The following ANAPC4 variants were observed in gnomAD, a reference collection of about 807,000 sequenced individuals.
The protein encoded by ANAPC4 is anaphase promoting complex subunit 4.
Under a neutral mutation model 119.8 loss-of-function variants are expected in ANAPC4, and 63 were observed. The observed-to-expected ratio is 0.53, with a 90% CI of 0.43 to 0.65. ANAPC4 has a LOEUF of 0.65. ANAPC4 is among the 30% of genes least tolerant of loss of function. The pLI, the probability that ANAPC4 is intolerant of heterozygous loss-of-function variation, is 0.00. For missense variants in ANAPC4, 716 were observed against 945.1 expected, an observed-to-expected ratio of 0.76 and a Z score of 3.18; for synonymous variants, 283 against 318.6, an observed-to-expected ratio of 0.89 and a Z score of 1.19.
At position 25,383,254 on chromosome 4, in the gene ANAPC4, G is replaced by T. The variant is rs1433741753; in HGVS notation, c.236-7G>T. 1.9e-6 allele frequency: 3 copies of T among 1,579,866 alleles called. No individual in the cohort carries two copies. The highest frequency in any genetic ancestry group is 1.4e-5 in the African/African-American group (1 of 73,198). On this transcript the variant is annotated splice_polypyrimidine_tract_variant and splice_region_variant and intron_variant, in intron 3 of 28. Transcript: ENST00000315368. ...TAATTTATTCTGATTGTTTTTTCTT[G>T]TTTTAGTTTTGGCCTTTGCTCTTGC... is the stretch of plus-strand genomic sequence containing the variant.
intron 16 of ANAPC4, among the ~76,000 whole-genome samples, chr4:25,397,470 C>G (rs759651085): frequency 3.9e-5 from 6 of 152,164 alleles, no homozygotes; most frequent in Non-Finnish European, 8.8e-5. Flanking sequence ...GGGTTAGACC[C>G]AGAACTGCCA....
intron 4 of ANAPC4, 67 bp downstream of exon 4, chr4:25,383,460 A>C (rs1577370492): frequency 2.1e-6 from 3 of 1,439,648 alleles, no homozygotes; most frequent in African/African-American, 2.9e-5. Flanking sequence ...ATGGAAACTT[A>C]GGAGTATCTG....
intron 8 of ANAPC4, 114 bp downstream of exon 8, chr4:25,390,334 ATTC>A (rs1722277175): frequency 1.5e-6 from 1 of 666,676 alleles, no homozygotes; most frequent in Non-Finnish European, 2.4e-6. Flanking sequence ...TTTTGGAATT[ATTC>A]TTAAATGTTC....
Position 25,388,785 on chromosome 4 carries a change from T to G in ANAPC4, c.470+42T>G, listed in dbSNP as rs1332795744. The G allele has an allele frequency of 1.9e-6, 3 of 1,601,758 alleles. No homozygotes were observed. The East Asian group carries it at 6.7e-5, about 36-fold the overall frequency. On this transcript the variant is annotated intron_variant, in intron 6 of 28. Transcript: ENST00000315368. ...CTTGTTTTCAAGTAAGATAATCTGC[T>G]ATTATTTGGAAGACAGAATTGAAAG...
intron 10 of ANAPC4, 131 bp downstream of exon 10, chr4:25,392,552 T>A (rs370739536): frequency 9.7e-6 from 6 of 621,188 alleles, no homozygotes; most frequent in Middle Eastern, 4.4e-4. Flanking sequence ...GATGATCTTA[T>A]AAGGTCCATT....
intron 16 of ANAPC4, among the ~76,000 whole-genome samples, 192 bp downstream of exon 16, chr4:25,397,091 G>A (rs1035936374): frequency 6.6e-6 from 1 of 152,112 alleles, no homozygotes; most frequent in Non-Finnish European, 1.5e-5. Context: ...TCCTGTCCTG[G>A]TCATCCTTAC....
At position 25,418,384 on chromosome 4, in the gene ANAPC4, C is replaced by G; in HGVS notation, c.*2C>G. On this transcript the variant is annotated 3_prime_UTR_variant, in exon 29 of 29. Coordinates refer to ENST00000315368, the MANE Select transcript of ANAPC4 (RefSeq NM_013367.3). ...CTTGACCCTGAGCTAGACTCCTAAT[C>G]TAGCTTGCCATTATTGTGTGTGTAA... The G allele has an allele frequency of 6.2e-7, 1 of 1,613,634 alleles. No individual in the cohort carries two copies. Among genetic ancestry groups the G allele is most frequent in the South Asian group, 1.1e-5 (1 of 91,036 alleles).
At chr4:25,411,028 T>C (rs1723532040) in intron 21 of ANAPC4, among the ~76,000 whole-genome samples, 1 of 138,740 alleles carries the variant, frequency 7.2e-6, no homozygotes, top group African/African-American at 2.7e-5. Flanking sequence ...AATGAATGAA[T>C]GAGGGAGAGA....
chr4:25,401,931 T>C (rs1323076599), intron 16 of ANAPC4, among the ~76,000 whole-genome samples: 1 of 152,196 alleles, frequency 6.6e-6, no homozygotes, highest in African/African-American at 2.4e-5. Flanking sequence ...TATAAAATAC[T>C]ACGCTTTCTA....
intron 4 of ANAPC4, among the ~76,000 whole-genome samples, chr4:25,383,860 C>T (rs1721883828): frequency 6.6e-6 from 1 of 152,198 alleles, no homozygotes; most frequent in African/African-American, 2.4e-5. Flanking sequence ...TTGGTGCTGA[C>T]AGCTGCTGAC....
At chr4:25,395,711 A>G (rs61237511) in intron 14 of ANAPC4, among the ~76,000 whole-genome samples, 7,123 of 152,134 alleles carry the variant, frequency 0.047, 563 homozygotes, top group African/African-American at 0.16. Flanking sequence ...CGGCCTCCCA[A>G]AGTGCTGGGA....
chr4:25,415,443 T>C, intron 25 of ANAPC4, 23 bp from the exon 26 acceptor site: 1 of 1,598,126 alleles, frequency 6.3e-7, no homozygotes, highest in Non-Finnish European at 8.6e-7. Context: ...AGAGTCTCTT[T>C]TTTTCCCCCT....
At chr4:25,385,897 A>C (rs1169869675) in intron 4 of ANAPC4, among the ~76,000 whole-genome samples, 5 of 152,158 alleles carry the variant, frequency 3.3e-5, no homozygotes, top group Admixed American at 2.6e-4. Context: ...TAGAACACTC[A>C]CATTTCTCCA....
At chr4:25,414,211 T>A (rs1259714914) in intron 22 of ANAPC4, 113 bp from the exon 23 acceptor site, 1 of 686,014 alleles carries the variant, frequency 1.5e-6, no homozygotes, top group Admixed American at 3.6e-5. Flanking sequence ...CAAGGTTTGG[T>A]GATGTAGGCG....
At position 25,383,374 on chromosome 4, in the gene ANAPC4, G is replaced by A. The variant is rs755236879; in HGVS notation, c.349G>A (p.Glu117Lys). Residue 117 changes from glutamate (E) to lysine (K), a missense_variant, in exon 4 of 29, where the codon GAA becomes AAA. Physicochemically the swap from Glu to Lys is moderately conservative, Grantham distance 56. Coordinates refer to ENST00000315368, the MANE Select transcript of ANAPC4 (RefSeq NM_013367.3). Reference protein sequence around the residue: ...EAPVSCMHWMEVTVESSVLTS... With the variant: ...EAPVSCMHWMKVTVESSVLTS... ...TCCAGTTTCCTGTATGCATTGGATG[G>A]AAGTGACAGTAGAAAGCAGGTAATT... is the stretch of plus-strand genomic sequence containing the variant. 3.7e-6 allele frequency: 6 copies of A among 1,609,878 alleles called. No homozygotes were observed. The highest frequency in any genetic ancestry group is 5.1e-6 in the Non-Finnish European group (6 of 1,178,528).
In ANAPC4 at chr4:25,393,903, G is replaced by C. The variant is rs201249959; in HGVS notation, c.876+12G>C. 1.9e-6 allele frequency: 3 copies of C among 1,597,192 alleles called. No homozygotes were observed. The East Asian group carries it at 6.8e-5, about 36-fold the overall frequency. On this transcript the variant is annotated intron_variant, in intron 11 of 28. Transcript: ENST00000315368. ...CCAAGTTTGTGCAGGTAAAGCAGCT[G>C]AAGTTTCCCATGGAGAGAGTTAAAG... is the stretch of plus-strand genomic sequence containing the variant.
Position 25,380,422 on chromosome 4 carries a change from C to A in ANAPC4, c.178C>A (p.Pro60Thr). The A allele has an allele frequency of 6.2e-7, 1 of 1,612,662 alleles. No individual in the cohort carries two copies. Among genetic ancestry groups the A allele is most frequent in the Non-Finnish European group, 8.5e-7 (1 of 1,179,232 alleles). ...TTTTCATCGAGTTTGGAGTTTTCCA[C>A]CAAATGAAAATACAGGAAAGGAGGT... is the stretch of plus-strand genomic sequence containing the variant. ...ASFHRVWSFPPNENTGKEVTC... is the reference protein window; with the variant it reads ...ASFHRVWSFPTNENTGKEVTC... Residue 60 changes from proline to threonine, a missense_variant, in exon 3 of 29, where the codon CCA becomes ACA. Around this residue, in one of 3 missense-constraint regions of ANAPC4, gnomAD observed 202 missense variants for 293.5 expected, o/e 0.69. Transcript: ENST00000315368.
At chr4:25,396,492 C>T (rs1015867746) in intron 14 of ANAPC4, among the ~76,000 whole-genome samples, 172 bp from the exon 15 acceptor site, 1 of 152,146 alleles carries the variant, frequency 6.6e-6, no homozygotes, top group East Asian at 1.9e-4. Flanking sequence ...GTCACATTGA[C>T]CAGATGGTTC....
chr4:25,392,302 C>G, intron 9 of ANAPC4, 36 bp from the exon 10 acceptor site: 1 of 1,435,396 alleles, frequency 7.0e-7, no homozygotes. Flanking sequence ...GCAAGTGCAT[C>G]TGATGATGAC....
Sources: allele counts gnomAD v4.1 joint callset (sites outside exome capture counted in the v4.1 genomes callset), GRCh38; gene constraint gnomAD v4.1.1; regional missense constraint gnomAD v4.1.1; transcripts MANE v1.5; gene names NCBI Gene and HGNC (gene_info 2026-07-23, HGNC 2026-07-21).